The following BIRC6 variants were observed in gnomAD, a reference collection of about 807,000 sequenced individuals.
BIRC6 encodes dual E2 ubiquitin-conjugating enzyme/E3 ubiquitin-protein ligase BIRC6.
BIRC6 carries 98 observed loss-of-function variants against 503.3 expected under a neutral mutation model. The ratio of observed to expected loss-of-function variants is 0.19; its 90% CI spans 0.17 to 0.23. BIRC6 has a LOEUF of 0.23. Ranked by LOEUF, BIRC6 falls within the 10% of genes least tolerant of loss-of-function variation. The pLI is 1.00. For synonymous variants in BIRC6, 2,240 were observed against 2,078.7 expected (o/e 1.08, Z -2.11); for missense variants, 5,360 against 5,806.0 (o/e 0.92, Z 2.50).
intron 53 of BIRC6, among the ~76,000 whole-genome samples, chr2:32,510,998 G>T (rs1261289575): frequency 4.6e-5 from 7 of 152,094 alleles, no homozygotes; most frequent in African/African-American, 1.7e-4. Flanking sequence ...GTATATGAAT[G>T]TAGGGATATT....
intron 61 of BIRC6, among the ~76,000 whole-genome samples, chr2:32,533,217 CT>C (rs1480443451): frequency 6.6e-6 from 1 of 152,170 alleles, no homozygotes; most frequent in Non-Finnish European, 1.5e-5. Context: ...GAAAAGGGAT[CT>C]TTGTCATATA....
rs971402733 is a variant in BIRC6, at chr2:32,482,641, T to C, written c.7696+59T>C. On this transcript the variant is annotated intron_variant, in intron 39 of 73. Coordinates refer to ENST00000421745, the MANE Select transcript of BIRC6 (RefSeq NM_016252.4). ...ATTCTTAAAACAAGTCTGTCATTTA[T>C]GTATACTTTGTCCCTTGAGAAGTTG... The C allele has an allele frequency of 7.0e-6, 11 of 1,575,368 alleles. No homozygotes were observed. In the African/African-American group the frequency reaches 1.1e-4, roughly 15 times the overall value.
chr2:32,569,085 G>A (rs2059744803), intron 65 of BIRC6, among the ~76,000 whole-genome samples: 1 of 151,296 alleles, frequency 6.6e-6, no homozygotes, highest in South Asian at 2.1e-4. Flanking sequence ...TGCCTCCCAG[G>A]TTCAAGTGAT....
chr2:32,483,215 C>CT (rs2050613118), intron 39 of BIRC6, among the ~76,000 whole-genome samples: 1 of 152,092 alleles, frequency 6.6e-6, no homozygotes, highest in African/African-American at 2.4e-5. Flanking sequence ...CCATGCCTGG[C>CT]TTTATTTTTA....
At chr2:32,559,947 C>T (rs1483926031) in intron 65 of BIRC6, among the ~76,000 whole-genome samples, 1 of 151,648 alleles carries the variant, frequency 6.6e-6, no homozygotes, top group African/African-American at 2.4e-5. Context: ...ACCCGGGAGG[C>T]GGAGGTTGCA....
At chr2:32,510,037 A>G in intron 52 of BIRC6, 43 bp downstream of exon 52, 1 of 1,598,212 alleles carries the variant, frequency 6.3e-7, no homozygotes, top group Non-Finnish European at 8.5e-7. Context: ...ATATCTGTAA[A>G]GTAACAGCAG....
chr2:32,416,281 G>A lies in BIRC6; in HGVS notation c.2872+118G>A, dbSNP rs371630723. ...TAGATGGGGAGGAATTAATTTTTTT[G>A]TAATGAAGTGGTAAATCCTTCTTTT... On this transcript the variant is annotated intron_variant, in intron 10 of 73. Transcript: ENST00000421745. The A allele has an allele frequency of 4.6e-4, 479 of 1,051,482 alleles. 6 individuals carry two copies. In the South Asian group the frequency reaches 8.6e-3, roughly 19 times the overall value. The allele number at this position is 1,051,482 out of a possible 1,614,324, so 65.1% of individuals were successfully genotyped here. A position where few individuals can be genotyped will look rare whatever the true frequency, so the allele number is the denominator to read the frequency against.
chr2:32,360,484 T>C (rs1318969559), intron 1 of BIRC6, among the ~76,000 whole-genome samples: 1 of 152,212 alleles, frequency 6.6e-6, no homozygotes, highest in Non-Finnish European at 1.5e-5. Flanking sequence ...CTAGTCTCTC[T>C]AGTCTTGTCT....
chr2:32,538,963 C>T (rs2057449277), intron 61 of BIRC6, among the ~76,000 whole-genome samples: 1 of 152,100 alleles, frequency 6.6e-6, no homozygotes, highest in African/African-American at 2.4e-5. Context: ...GTATTAAATA[C>T]CCCATTTGAA....
chr2:32,576,008 G>T (rs1347281057), intron 66 of BIRC6, among the ~76,000 whole-genome samples: 1 of 152,290 alleles, frequency 6.6e-6, no homozygotes, highest in East Asian at 1.9e-4. Context: ...ACATCTTTCA[G>T]TGTCAATAAA....
intron 39 of BIRC6, among the ~76,000 whole-genome samples, chr2:32,485,364 A>C (rs186186541): frequency 2.6e-4 from 40 of 152,316 alleles, no homozygotes; most frequent in African/African-American, 7.7e-4. Context: ...TCTGACAGTG[A>C]GAAACCTGGT....
At chr2:32,417,367 C>T (rs1292797884) in intron 10 of BIRC6, among the ~76,000 whole-genome samples, 2 of 152,168 alleles carry the variant, frequency 1.3e-5, no homozygotes, top group Non-Finnish European at 2.9e-5. Context: ...TGGTCTCAAA[C>T]TCCTGAGTTC....
chr2:32,528,951 A>C (rs1182585483), intron 59 of BIRC6: 3 of 151,838 alleles, frequency 2.0e-5, no homozygotes, highest in Non-Finnish European at 4.4e-5. Flanking sequence ...AGAAAATGCA[A>C]AAAAAAGAAA....
At position 32,443,522 on chromosome 2, in the gene BIRC6, T is replaced by C; in HGVS notation, c.4270T>C (p.Phe1424Leu). 6.2e-7 allele frequency: 1 copy of C among 1,609,428 alleles called. No homozygotes were observed. Residue 1424 changes from phenylalanine to leucine, a missense_variant, in exon 20 of 74, where the codon TTT (phenylalanine) becomes CTT (leucine). Physicochemically the swap from Phe to Leu is conservative, Grantham distance 22. Around this residue, in one of 16 missense-constraint regions of BIRC6, gnomAD observed 2,299 missense variants for 2,267.2 expected, o/e 1.01. Transcript: ENST00000421745. The stretch of plus-strand genomic sequence containing the variant: ...CAAATGTGACCCATGTCAACCAGCA[T>C]TTGGACCTGTTCTGTTGAAGGCTTT... ...NGKCDPCQPA[F>L]GPVLLKALLD...
intron 1 of BIRC6, among the ~76,000 whole-genome samples, chr2:32,360,923 T>G (rs2033980468): frequency 6.6e-6 from 1 of 151,918 alleles, no homozygotes; most frequent in South Asian, 2.1e-4. Context: ...TATATTTATT[T>G]ATTATTATTG....
chr2:32,443,974 G>A (rs2045695855), intron 20 of BIRC6, among the ~76,000 whole-genome samples: 1 of 151,274 alleles, frequency 6.6e-6, no homozygotes, highest in Admixed American at 6.6e-5. Flanking sequence ...ACATGCATAT[G>A]TTTTGTGTGA....
At chr2:32,557,549 C>CTGG (rs1187566272) in intron 65 of BIRC6, 2 of 152,116 alleles carry the variant, frequency 1.3e-5, no homozygotes, top group Non-Finnish European at 2.9e-5. Flanking sequence ...ATTCCTCAAA[C>CTGG]TGGAAGCATC....
At chr2:32,463,097 T>A (rs1183431967) in intron 23 of BIRC6, 97 bp from the exon 24 acceptor site, 3 of 992,782 alleles carry the variant, frequency 3.0e-6, no homozygotes, top group Non-Finnish European at 4.3e-6. Flanking sequence ...AGTTTTAGCA[T>A]CATAATAGTG....
intron 65 of BIRC6, chr2:32,566,410 T>G (rs1302415340): frequency 6.6e-6 from 1 of 152,246 alleles, no homozygotes; most frequent in African/African-American, 2.4e-5. Context: ...TGGAGTACAG[T>G]GGTGTGATTA....
Sources: allele counts gnomAD v4.1 joint callset (sites outside exome capture counted in the v4.1 genomes callset), GRCh38; gene constraint gnomAD v4.1.1; regional missense constraint gnomAD v4.1.1; transcripts MANE v1.5; gene names NCBI Gene and HGNC (gene_info 2026-07-23, HGNC 2026-07-21).